Variants in DSCAML1 observed in about 807,000 individuals in gnomAD.
DSCAML1 encodes DS cell adhesion molecule like 1.
In DSCAML1, 38 loss-of-function variants were observed where a neutral mutation model predicts 200.5. That is an observed-to-expected ratio of 0.19 (90% confidence interval 0.15 to 0.25). The LOEUF is 0.25. DSCAML1 is among the 10% of genes least tolerant of loss of function. The pLI, the probability that DSCAML1 is intolerant of heterozygous loss-of-function variation, is 1.00. For synonymous variants in DSCAML1, 1,215 were observed against 1,165.0 expected, an observed-to-expected ratio of 1.04 and a Z score of -0.87; for missense variants, 2,223 against 2,858.8, an observed-to-expected ratio of 0.78 and a Z score of 5.07.
intron 3 of DSCAML1, among the ~76,000 whole-genome samples, chr11:117,635,048 G>A (rs1306750584): frequency 2.0e-5 from 3 of 152,226 alleles, no homozygotes; most frequent in Non-Finnish European, 4.4e-5. Context: ...ATGATAGGTC[G>A]CACAACAGTC....
At chr11:117,807,893 C>T (rs1480342610) in intron 1 of DSCAML1, among the ~76,000 whole-genome samples, 2 of 152,222 alleles carry the variant, frequency 1.3e-5, no homozygotes, top group African/African-American at 4.8e-5. Context: ...GTGGTCTCGG[C>T]TCACTGCAAC....
At chr11:117,717,974 A>G (rs992687312) in intron 3 of DSCAML1, among the ~76,000 whole-genome samples, 1 of 152,180 alleles carries the variant, frequency 6.6e-6, no homozygotes, top group Non-Finnish European at 1.5e-5. Context: ...TGGCATTTAC[A>G]TAGCAAACAA....
rs1194203371 is a variant in DSCAML1, at chr11:117,780,310, A to G, written c.364+183T>C. 6.9e-6 allele frequency among the ~76,000 whole-genome samples: 1 copy of G among 145,458 alleles called. No homozygotes were observed. Among genetic ancestry groups the G allele is most frequent in the Non-Finnish European group, 1.5e-5 (1 of 65,330 alleles). ...AAAGAAAGAAAGAAAGAAAGAGAGA[A>G]AGGAGAAAGAAAGGTGTCTCTTATG... On this transcript the variant is annotated intron_variant, in intron 2 of 32. Coordinates refer to ENST00000651296, the MANE Select transcript of DSCAML1 (RefSeq NM_020693.4). This position sits in a 1 kb window ranked among gnomAD's most constrained non-coding sequence, Gnocchi z 4.8.
intron 20 of DSCAML1, among the ~76,000 whole-genome samples, chr11:117,445,691 G>A (rs1048514771): frequency 8.5e-5 from 13 of 152,214 alleles, no homozygotes; most frequent in Non-Finnish European, 1.8e-4. Context: ...CTATGTACAT[G>A]TGCATGTGTG....
intron 3 of DSCAML1, among the ~76,000 whole-genome samples, chr11:117,727,638 C>T (rs938629412): frequency 3.4e-5 from 5 of 148,884 alleles, no homozygotes; most frequent in African/African-American, 4.9e-5. Context: ...GGAGTCCCCA[C>T]ATGAATGTCT....
rs745659377 is a variant in DSCAML1 at position 117,654,374 on chromosome 11, C to T, written c.512-121852G>A. Among the ~76,000 whole-genome samples the T allele has an allele frequency of 5.1e-4, 78 of 152,122 alleles. 3 individuals are homozygous for T. The highest frequency in any genetic ancestry group is 2.5e-4 in the Non-Finnish European group (17 of 68,020). On this transcript the variant is annotated intron_variant, in intron 3 of 32. Coordinates refer to ENST00000651296, the MANE Select transcript of DSCAML1 (RefSeq NM_020693.4). Reference sequence around the variant, plus strand: ...AAGAATTCTATCTCAATTAAACTGTCGGAAAAAGTGAAGAGAGAGAACATC... The same window carrying T: ...AAGAATTCTATCTCAATTAAACTGTTGGAAAAAGTGAAGAGAGAGAACATC...
In DSCAML1 at chr11:117,498,907, G is replaced by A. The variant is rs1210002365; in HGVS notation, c.2359+4938C>T. 2.0e-5 allele frequency among the ~76,000 whole-genome samples: 3 copies of A among 152,184 alleles called. No individual in the cohort carries two copies. The highest frequency in any genetic ancestry group is 1.3e-4 in the Admixed American group (2 of 15,282). Reference sequence around the variant, plus strand: ...CCCTTATGGGTTTAATTGGCCATGGGCTTTGTCTAGAACCCAATCACTGGT... The same window carrying A: ...CCCTTATGGGTTTAATTGGCCATGGACTTTGTCTAGAACCCAATCACTGGT... On this transcript the variant is annotated intron_variant, in intron 11 of 32. Transcript: ENST00000651296. The surrounding 1 kb of genome is among the most constrained non-coding windows in gnomAD (Gnocchi z 4.0).
At chr11:117,428,847 T>C in intron 32 of DSCAML1, 44 bp from the exon 33 acceptor site, 4 of 1,522,170 alleles carry the variant, frequency 2.6e-6, no homozygotes, top group African/African-American at 1.4e-5. Context: ...GTCATAGCCC[T>C]CTGGAAGCAG....
rs141890854 is a variant in DSCAML1, at chr11:117,516,550, C to G, written c.1700G>C (p.Gly567Ala). The change falls in exon 8 of 33, where the codon GGC becomes GCC. Residue 567 changes from glycine to alanine, a missense_variant. By Grantham distance (60) the Gly-to-Ala change is moderately conservative. Transcript: ENST00000651296. The surrounding 1 kb of genome is among the most constrained non-coding windows in gnomAD (Gnocchi z 5.7). ...GTLKLTDVQK[G>A]MDEGEYLCSV... ...GCACAGGTACTCCCCCTCATCCATG[C>G]CCTTCTGCACGTCAGTCAGCTTGAG... 1.2e-6 allele frequency: 2 copies of G among 1,614,030 alleles called. No individual in the cohort carries two copies. The highest frequency in any genetic ancestry group is 2.7e-5 in the African/African-American group (2 of 75,034).
At chr11:117,657,407 G>T (rs2137635210) in intron 3 of DSCAML1, among the ~76,000 whole-genome samples, 1 of 152,282 alleles carries the variant, frequency 6.6e-6, no homozygotes, top group African/African-American at 2.4e-5. Flanking sequence ...ACCTTCCCTG[G>T]CCAGTAAATG....
intron 1 of DSCAML1, among the ~76,000 whole-genome samples, chr11:117,786,152 A>G (rs1213421565): frequency 6.6e-6 from 1 of 152,178 alleles, no homozygotes; most frequent in Non-Finnish European, 1.5e-5. Context: ...AAAGAAGAGG[A>G]GGGGGAACAC....
At chr11:117,508,152 A>G (rs137922790) in intron 8 of DSCAML1, among the ~76,000 whole-genome samples, 346 of 152,292 alleles carry the variant, frequency 2.3e-3, no homozygotes, top group Admixed American at 3.5e-3. Flanking sequence ...GTTCTGGCCA[A>G]GTCCTTCTCC....
At position 117,642,661 on chromosome 11, in the gene DSCAML1, T is replaced by A. The variant is rs2052436136; in HGVS notation, c.512-110139A>T. 2.0e-5 allele frequency among the ~76,000 whole-genome samples: 3 copies of A among 152,106 alleles called. No homozygotes were observed. The highest frequency in any genetic ancestry group is 4.4e-5 in the Non-Finnish European group (3 of 68,008). On this transcript the variant is annotated intron_variant, in intron 3 of 32. Transcript: ENST00000651296. The surrounding 1 kb of genome is among the most constrained non-coding windows in gnomAD (Gnocchi z 4.1). ...TGCCCATAGTTGCAGTGGCCCAGAG[T>A]GGGATCTGTGGCTCCTGGCTGCTTC...
Position 117,518,442 on chromosome 11 carries a change from T to A in DSCAML1, c.1510+24A>T. Reference sequence around the variant, plus strand: ...GGCAAAGGAACTCAAAAACCTATTCTGATATTTAAATGTAGACAGGCACCT... The same window carrying A: ...GGCAAAGGAACTCAAAAACCTATTCAGATATTTAAATGTAGACAGGCACCT... On this transcript the variant is annotated intron_variant, in intron 7 of 32. Coordinates refer to ENST00000651296, the MANE Select transcript of DSCAML1 (RefSeq NM_020693.4). This position sits in a 1 kb window ranked among gnomAD's most constrained non-coding sequence, Gnocchi z 6.3. 1 of 1,613,922 alleles carries A rather than the reference T, an allele frequency of 6.2e-7. No homozygotes were observed. The highest frequency in any genetic ancestry group is 8.5e-7 in the Non-Finnish European group (1 of 1,179,954).
At chr11:117,660,264 TC>T (rs1163787069) in intron 3 of DSCAML1, among the ~76,000 whole-genome samples, 2 of 152,178 alleles carry the variant, frequency 1.3e-5, no homozygotes, top group African/African-American at 4.8e-5. Context: ...GCCCGCCCCT[TC>T]CCAGTTCCTC....
At chr11:117,446,073 A>G (rs2048171812) in intron 20 of DSCAML1, among the ~76,000 whole-genome samples, 1 of 152,272 alleles carries the variant, frequency 6.6e-6, no homozygotes, top group African/African-American at 2.4e-5. Context: ...CATCAAAAAC[A>G]GAATCAAAGG....
rs767882283 is a variant in DSCAML1, at chr11:117,503,483, C to T, written c.2359+362G>A. 6.6e-6 allele frequency among the ~76,000 whole-genome samples: 1 copy of T among 152,160 alleles called. No individual in the cohort carries two copies. Among genetic ancestry groups the T allele is most frequent in the African/African-American group, 2.4e-5 (1 of 41,434 alleles). On this transcript the variant is annotated intron_variant, in intron 11 of 32. Transcript: ENST00000651296. The surrounding 1 kb of genome is among the most constrained non-coding windows in gnomAD (Gnocchi z 5.2). ...CTTTCTAAGCCACAAGCAGGTTGTA[C>T]ACAAGCAAGTGTATATTAAGTAGCA...
At chr11:117,704,576 C>A (rs2053725584) in intron 3 of DSCAML1, among the ~76,000 whole-genome samples, 1 of 152,154 alleles carries the variant, frequency 6.6e-6, no homozygotes, top group South Asian at 2.1e-4. Flanking sequence ...CAGGGAGGAG[C>A]AGGAGCTGCG....
chr11:117,488,767 T>G (rs1426301423), intron 11 of DSCAML1, among the ~76,000 whole-genome samples: 1 of 152,206 alleles, frequency 6.6e-6, no homozygotes, highest in Non-Finnish European at 1.5e-5. Flanking sequence ...AAGCACAGGC[T>G]CTCTCCACAC....
Sources: gnomAD v4.1 joint callset for allele counts (sites outside exome capture counted in the v4.1 genomes callset) on GRCh38, gnomAD v4.1.1 for gene constraint, Gnocchi (gnomAD v3.1) non-coding constraint, MANE v1.5 for transcripts, NCBI Gene and HGNC (gene_info 2026-07-23, HGNC 2026-07-21) for gene names.